RNF130: variants seen among roughly 807,000 people sequenced by gnomAD.
The protein encoded by RNF130 is ring finger protein 130.
A neutral mutation model predicts 44.6 loss-of-function variants in RNF130; 21 were observed. That is an observed-to-expected ratio of 0.47 (90% CI 0.33 to 0.68). The LOEUF is 0.68. RNF130 is among the 30% of genes least tolerant of loss of function. RNF130 has a pLI of 0.02. For missense variants in RNF130, 479 were observed against 560.6 expected, an observed-to-expected ratio of 0.85 and a Z score of 1.47; for synonymous variants, 214 against 210.4, an observed-to-expected ratio of 1.02 and a Z score of -0.15.
chr5:179,979,373 A>G (rs867806769), intron 4 of RNF130, among the ~76,000 whole-genome samples: 1 of 151,202 alleles, frequency 6.6e-6, no homozygotes, highest in South Asian at 2.1e-4. Context: ...TAAAATGGGT[A>G]AAGTCCAAGA....
chr5:180,001,295 C>A (rs980184021), intron 3 of RNF130, among the ~76,000 whole-genome samples: 2 of 152,136 alleles, frequency 1.3e-5, no homozygotes, highest in South Asian at 2.1e-4. Flanking sequence ...GGTGTGAGGT[C>A]TGATGTTACC....
At chr5:180,017,671 C>T (rs971772455) in intron 2 of RNF130, among the ~76,000 whole-genome samples, 1 of 151,872 alleles carries the variant, frequency 6.6e-6, no homozygotes, top group Non-Finnish European at 1.5e-5. Flanking sequence ...CGGAAAAGAG[C>T]CCCCCATCCC....
At chr5:179,989,317 T>C (rs1198775624) in intron 3 of RNF130, among the ~76,000 whole-genome samples, 1 of 152,174 alleles carries the variant, frequency 6.6e-6, no homozygotes, top group Non-Finnish European at 1.5e-5. Flanking sequence ...GAGATTTGGG[T>C]GGCGACACAG....
chr5:179,970,545 C>A (rs768643770), intron 5 of RNF130, 39 bp from the exon 6 acceptor site: 6 of 1,489,896 alleles, frequency 4.0e-6, no homozygotes, highest in Non-Finnish European at 5.5e-6. Flanking sequence ...AGTTACATAC[C>A]AAGAAACTTA....
At chr5:179,936,865 G>A (rs891114567) in intron 7 of RNF130, among the ~76,000 whole-genome samples, 1 of 152,194 alleles carries the variant, frequency 6.6e-6, no homozygotes, top group Non-Finnish European at 1.5e-5. Context: ...GGAAAGAACA[G>A]TCTCTTCAAG....
intron 3 of RNF130, among the ~76,000 whole-genome samples, chr5:179,985,620 C>T (rs1762936826): frequency 1.3e-5 from 2 of 152,114 alleles, no homozygotes; most frequent in Non-Finnish European, 2.9e-5. Context: ...CTGATAAAAC[C>T]AATTCAGAGG....
chr5:180,043,818 G>T (rs980188293), intron 1 of RNF130, among the ~76,000 whole-genome samples: 1 of 151,844 alleles, frequency 6.6e-6, no homozygotes, highest in Non-Finnish European at 1.5e-5. Context: ...ATCCATAAAA[G>T]GTCTCTGAAA....
At chr5:179,933,634 G>C (rs1214646127) in intron 7 of RNF130, among the ~76,000 whole-genome samples, 1 of 150,930 alleles carries the variant, frequency 6.6e-6, no homozygotes. Flanking sequence ...TGATTCTCCT[G>C]CCTCAGCCTC....
chr5:179,962,667 C>T (rs1427754843), intron 8 of RNF130, among the ~76,000 whole-genome samples: 1 of 152,160 alleles, frequency 6.6e-6, no homozygotes, highest in Non-Finnish European at 1.5e-5. Context: ...TATACCTTAT[C>T]CCTATGGAAA....
Position 180,025,852 on chromosome 5 carries a change from T to A in RNF130, c.443-12541A>T, listed in dbSNP as rs559863626. ...AGTATACTTATATTACTCATTTTCT[T>A]GATAGGCATTTAGAATAAAGAAAAT... is the stretch of plus-strand genomic sequence containing the variant. On this transcript the variant is annotated intron_variant, in intron 2 of 8. Transcript: ENST00000521389. 2.0e-5 allele frequency among the ~76,000 whole-genome samples: 3 copies of A among 152,334 alleles called. No homozygotes were observed. The South Asian group carries it at 6.2e-4, about 32-fold the overall frequency.
In RNF130 at chr5:179,949,249, A is replaced by G. The variant is rs549975776; in HGVS notation, c.1150+17557T>C. ...CAAAGTTGCAGGGATTACAGGCATG[A>G]GCCACCGTGCCCAGACAATTTTTTT... On this transcript the variant is annotated intron_variant, in intron 7 of 7. Transcript: ENST00000522208. Among the ~76,000 whole-genome samples, 56 of 150,316 alleles carry G rather than the reference A, an allele frequency of 3.7e-4. 1 individual carries two copies. Among genetic ancestry groups the G allele is most frequent in the African/African-American group, 1.4e-3 (56 of 40,838 alleles).
intron 3 of RNF130, among the ~76,000 whole-genome samples, chr5:180,001,608 C>T (rs969217413): frequency 6.6e-6 from 1 of 152,136 alleles, no homozygotes; most frequent in African/African-American, 2.4e-5. Context: ...CATGAGTCAG[C>T]AGGGCTCAGT....
intron 1 of RNF130, among the ~76,000 whole-genome samples, chr5:180,058,659 G>A (rs917747216): frequency 6.6e-6 from 1 of 152,010 alleles, no homozygotes; most frequent in African/African-American, 2.4e-5. Flanking sequence ...GGGTTCAAGC[G>A]AGTCTCCTGC....
intron 2 of RNF130, among the ~76,000 whole-genome samples, chr5:180,037,535 C>T (rs1444634117): frequency 6.6e-6 from 1 of 152,186 alleles, no homozygotes; most frequent in Admixed American, 6.5e-5. Flanking sequence ...TTCTTCACTG[C>T]CTTCTTTCTC....
chr5:180,011,505 C>T (rs1158837660), intron 3 of RNF130, among the ~76,000 whole-genome samples: 1 of 152,188 alleles, frequency 6.6e-6, no homozygotes, highest in Non-Finnish European at 1.5e-5. Context: ...GGTGTTCACA[C>T]CCATAATCCT....
intron 2 of RNF130, among the ~76,000 whole-genome samples, chr5:180,015,746 A>AGGAAAAGAGTAG (rs1763712472): frequency 9.5e-6 from 1 of 105,610 alleles, no homozygotes; most frequent in Non-Finnish European, 2.0e-5. Flanking sequence ...GAAAAGGAGT[A>AGGAAAAGAGTAG]GGAAAGGAGT....
In RNF130 at chr5:179,929,944, T is replaced by C. The variant is rs60717527; in HGVS notation, c.1151-9518A>G. On this transcript the variant is annotated intron_variant, in intron 7 of 7. Transcript: ENST00000522208. ...TTAATTTCTCTCGATAACACATAAT[T>C]GTTCTCTGTATAAAAGCCTTGCGTA... 8.6e-3 allele frequency among the ~76,000 whole-genome samples: 1,304 copies of C among 152,296 alleles called. 24 individuals carry two copies. The highest frequency in any genetic ancestry group is 0.03 in the African/African-American group (1,234 of 41,562).
chr5:179,941,894 G>A (rs574526180), intron 7 of RNF130, among the ~76,000 whole-genome samples: 18 of 152,040 alleles, frequency 1.2e-4, no homozygotes, highest in African/African-American at 3.1e-4. Context: ...ACTGATTAAC[G>A]GAATTTAAAA....
At chr5:180,003,149 G>C (rs1763383914) in intron 3 of RNF130, among the ~76,000 whole-genome samples, 1 of 152,140 alleles carries the variant, frequency 6.6e-6, no homozygotes, top group South Asian at 2.1e-4. Context: ...GGTAAAGAAA[G>C]AAGAGCGCAA....
Sources: gnomAD v4.1 joint callset for allele counts (sites outside exome capture counted in the v4.1 genomes callset) on GRCh38, gnomAD v4.1.1 for gene constraint, MANE v1.5 for transcripts, NCBI Gene and HGNC (gene_info 2026-07-23, HGNC 2026-07-21) for gene names.